Variants in SPSB3 observed in about 807,000 individuals in gnomAD.
The protein encoded by SPSB3 is splA/ryanodine receptor domain and SOCS box containing 3, also known as SPRY domain-containing SOCS box protein 3.
A neutral mutation model predicts 29.5 loss-of-function variants in SPSB3; 18 were observed. The ratio of observed to expected loss-of-function variants is 0.61; its 90% CI spans 0.42 to 0.91. The LOEUF (loss-of-function observed/expected upper bound fraction) is 0.91, where lower values mean the gene tolerates loss of function less well. Among genes scored for constraint, SPSB3 ranks in the 40% least tolerant of loss-of-function variants. The pLI, the probability that SPSB3 is intolerant of heterozygous loss-of-function variation, is 0.00. For missense variants in SPSB3, 540 were observed against 507.5 expected (o/e 1.06, Z -0.61); for synonymous variants, 299 against 214.1 (o/e 1.40, Z -3.46).
rs1212292739 is a variant in SPSB3 at position 1,778,174 on chromosome 16, C to T, written c.452G>A (p.Trp151Ter). Residue 151 changes from tryptophan to a stop codon, truncating the protein, a stop_gained, in exon 4 of 7, where the codon TGG (tryptophan) becomes TAG (stop). Transcript: ENST00000566339. LOFTEE classifies it high-confidence loss of function. ...GACGGGAGAGGTCATCTTGATCTCCCAGAAGTGCTGGCCCTCCCCCAGCTC... is the reference window on the plus strand; with the variant it reads ...GACGGGAGAGGTCATCTTGATCTCCTAGAAGTGCTGGCCCTCCCCCAGCTC... ...TKELGEGQHF[W>*]EIKMTSPVYG... The T allele has an allele frequency of 2.5e-6, 4 of 1,612,838 alleles. No homozygotes were observed. Among genetic ancestry groups the T allele is most frequent in the African/African-American group, 1.3e-5 (1 of 74,944 alleles).
chr16:1,778,197 C>T lies in SPSB3; in HGVS notation c.429G>A (p.Glu143=), dbSNP rs762239308. The change falls in exon 4 of 7, where the codon GAG becomes GAA. Residue 143 remains glutamate (E), a synonymous_variant. Transcript: ENST00000566339. ...CCCAGAAGTGCTGGCCCTCCCCCAG[C>T]TCCTTGGTGCCCCGGATGGCCGCTG... is the stretch of plus-strand genomic sequence containing the variant. The part of the protein sequence containing the change: ...CGTAAIRGTK[E]LGEGQHFWEI... 18 of 1,612,874 alleles carry T rather than the reference C, an allele frequency of 1.1e-5. No individual in the cohort carries two copies. In the African/African-American group the frequency reaches 2.0e-4, roughly 18 times the overall value.
rs1173398562 is a variant in SPSB3, at chr16:1,777,841, G to A, written c.627C>T (p.Ser209=). 18 of 1,612,834 alleles carry A rather than the reference G, an allele frequency of 1.1e-5. No individual in the cohort carries two copies. In the East Asian group the frequency reaches 3.6e-4, roughly 32 times the overall value. ...AGCCCTGGCCGAACCGCGATGAGAA[G>A]CTGGTCTTGTCGCCCTTGTGGTGGA... is the stretch of plus-strand genomic sequence containing the variant. ...GLLHHKGDKT[S]FSSRFGQGSI... Residue 209 remains serine, a synonymous_variant, in exon 6 of 7, where the codon AGC becomes AGT. Transcript: ENST00000566339.
Position 1,776,955 on chromosome 16 carries a change from C to T in SPSB3, c.*142G>A, listed in dbSNP as rs2042722399. On this transcript the variant is annotated 3_prime_UTR_variant, in exon 7 of 7. Coordinates refer to ENST00000566339, the MANE Select transcript of SPSB3 (RefSeq NM_080861.4). ...CCCCCACAGAAAGGACTGTCCCAGC[C>T]TCGGGAGCAAGAGATGGCTCCCTCC... 1.0e-6 allele frequency: 1 copy of T among 966,274 alleles called. No individual in the cohort carries two copies. Among genetic ancestry groups the T allele is most frequent in the South Asian group, 1.7e-5 (1 of 60,186 alleles). 59.9% of individuals were successfully genotyped at this position (966,274 alleles called of 1,614,324 possible). A position where few individuals can be genotyped will look rare whatever the true frequency, so the allele number is the denominator to read the frequency against.
Position 1,777,026 on chromosome 16 carries a change from G to A in SPSB3, c.*71C>T, listed in dbSNP as rs1249595446. ...CGCCCTGGAGTGTGGCTGGAAGGAA[G>A]GGACAGAGAAAGAAGGGACAGAGGA... On this transcript the variant is annotated 3_prime_UTR_variant, in exon 7 of 7. Transcript: ENST00000566339. The A allele has an allele frequency of 6.6e-7, 1 of 1,519,428 alleles. No individual in the cohort carries two copies. The highest frequency in any genetic ancestry group is 8.9e-7 in the Non-Finnish European group (1 of 1,121,454). The allele number at this position is 1,519,428 out of a possible 1,614,324, so 94.1% of individuals were successfully genotyped here. A position where few individuals can be genotyped will look rare whatever the true frequency, so the allele number is the denominator to read the frequency against.
At chr16:1,781,332 C>T (rs770544428) in intron 2 of SPSB3, 26 bp downstream of exon 2, 14 of 1,612,878 alleles carry the variant, frequency 8.7e-6, no homozygotes, top group Non-Finnish European at 1.1e-5. Context: ...AGGCCAGCCA[C>T]GTCCGCCTCG....
chr16:1,777,521 T>A (rs13332165), intron 6 of SPSB3, 78 bp from the exon 7 acceptor site: 7 of 1,405,670 alleles, frequency 5.0e-6, no homozygotes, highest in East Asian at 5.0e-5. Context: ...GACCTCACGC[T>A]ACAGTCACCC....
At position 1,781,406 on chromosome 16, in the gene SPSB3, G is replaced by A. The variant is rs1896705055; in HGVS notation, c.78C>T (p.Ala26=). 1 of 1,612,838 alleles carries A rather than the reference G, an allele frequency of 6.2e-7. No homozygotes were observed. The highest frequency in any genetic ancestry group is 8.5e-7 in the Non-Finnish European group (1 of 1,179,974). The part of the protein sequence containing the change: ...SAARRDADAR[A]VALAGSTNWG... ...AGTTAGTGGAGCCTGCTAGAGCCAC[G>A]GCCCGGGCATCTGCGTCTCGGCGGG... is the stretch of plus-strand genomic sequence containing the variant. Residue 26 remains alanine (A), a synonymous_variant, in exon 2 of 7, where the codon GCC becomes GCT. Coordinates refer to ENST00000566339, the MANE Select transcript of SPSB3 (RefSeq NM_080861.4).
chr16:1,778,653 C>T, intron 2 of SPSB3, 41 bp from the exon 3 acceptor site: 1 of 1,516,598 alleles, frequency 6.6e-7, no homozygotes, highest in Middle Eastern at 2.5e-4. Flanking sequence ...GTTGCCCGCT[C>T]TCTACCCTCT....
intron 2 of SPSB3, 75 bp downstream of exon 2, chr16:1,781,283 G>C: frequency 6.2e-7 from 1 of 1,611,878 alleles, no homozygotes; most frequent in Non-Finnish European, 8.5e-7. Flanking sequence ...CCGTGTTCAG[G>C]TAATGTCTGC....
In SPSB3 at chr16:1,778,623, A is replaced by G; in HGVS notation, c.127-11T>C. ...GTCCGAGTCGCTGTGCTGGGAGAGA[A>G]GGGCCGGCTGTTACTACCTGTTGCC... is the stretch of plus-strand genomic sequence containing the variant. On this transcript the variant is annotated splice_polypyrimidine_tract_variant and intron_variant, in intron 2 of 6. Coordinates refer to ENST00000566339, the MANE Select transcript of SPSB3 (RefSeq NM_080861.4). The G allele has an allele frequency of 1.3e-6, 2 of 1,537,020 alleles. No individual in the cohort carries two copies. The highest frequency in any genetic ancestry group is 2.5e-5 in the South Asian group (2 of 81,444).
In SPSB3 at chr16:1,776,913, G is replaced by A. The variant is rs190864318; in HGVS notation, c.*184C>T. On this transcript the variant is annotated 3_prime_UTR_variant, in exon 7 of 7. Transcript: ENST00000566339. ...AGCCGCTTCCCCACCCAGCACAGCA[G>A]CAGAGGGGCCCTAGAGCCCCCACAG... 7 of 686,410 alleles carry A rather than the reference G, an allele frequency of 1.0e-5. No homozygotes were observed. The highest frequency in any genetic ancestry group is 2.4e-6 in the Non-Finnish European group (1 of 419,508). The allele number at this position is 686,410 out of a possible 1,614,324, so 42.5% of individuals were successfully genotyped here.
chr16:1,781,690 C>T (rs1054402403), intron 1 of SPSB3, 195 bp from the exon 2 acceptor site: 1 of 594,586 alleles, frequency 1.7e-6, no homozygotes, highest in East Asian at 2.8e-5. Context: ...CAGGTAGATC[C>T]TGTGAAACGC....
rs368074805 is a variant in SPSB3 at position 1,777,878 on chromosome 16, G to T, written c.596-6C>A. ...GCCCTTGTGGTGGAGGAGGCCTGGG[G>T]GCAGCCAGGGTCGCAGTGAGCCCGG... On this transcript the variant is annotated splice_polypyrimidine_tract_variant and splice_region_variant and intron_variant, in intron 5 of 6. Transcript: ENST00000566339. The T allele has an allele frequency of 2.0e-5, 33 of 1,612,078 alleles. No homozygotes were observed. The highest frequency in any genetic ancestry group is 2.8e-5 in the Non-Finnish European group (33 of 1,179,764).
intron 1 of SPSB3, 165 bp from the exon 2 acceptor site, chr16:1,781,660 C>A: frequency 1.5e-6 from 1 of 664,598 alleles, no homozygotes; most frequent in Non-Finnish European, 2.5e-6. Flanking sequence ...ACTCCAGGAT[C>A]TGAGCAGCTC....
chr16:1,777,076 G>A lies in SPSB3; in HGVS notation c.*21C>T. On this transcript the variant is annotated 3_prime_UTR_variant, in exon 7 of 7. Transcript: ENST00000566339. ...AAAGGGGCTGTCCCAGCCCAAGAAG[G>A]CAGTTCCACTGGGAAGTCAGTCAGG... The A allele has an allele frequency of 1.9e-6, 3 of 1,605,542 alleles. No homozygotes were observed. The highest frequency in any genetic ancestry group is 1.7e-6 in the Non-Finnish European group (2 of 1,175,510).
Position 1,776,850 on chromosome 16 carries a change from C to A in SPSB3, c.*247G>T. 1 of 545,326 alleles carries A rather than the reference C, an allele frequency of 1.8e-6. No homozygotes were observed. 33.8% of individuals were successfully genotyped at this position (545,326 alleles called of 1,614,324 possible). A position where few individuals can be genotyped will look rare whatever the true frequency, so the allele number is the denominator to read the frequency against. ...GCAACGCGGGCTCCAGCCAGGCTCT[C>A]GTCCTCGCAGCCTCCCACAAGACCT... On this transcript the variant is annotated 3_prime_UTR_variant, in exon 7 of 7. Coordinates refer to ENST00000566339, the MANE Select transcript of SPSB3 (RefSeq NM_080861.4).
In SPSB3 at chr16:1,776,874, C is replaced by T. The variant is rs2042720932; in HGVS notation, c.*223G>A. On this transcript the variant is annotated 3_prime_UTR_variant, in exon 7 of 7. Coordinates refer to ENST00000566339, the MANE Select transcript of SPSB3 (RefSeq NM_080861.4). ...TCGTCCTCGCAGCCTCCCACAAGAC[C>T]TGGGGCTCAGGGCAGCCGCTTCCCC... The T allele has an allele frequency of 1.7e-6, 1 of 578,186 alleles. No individual in the cohort carries two copies. The highest frequency in any genetic ancestry group is 2.3e-5 in the South Asian group (1 of 42,804). The allele number at this position is 578,186 out of a possible 1,614,324, so 35.8% of individuals were successfully genotyped here.
Position 1,777,022 on chromosome 16 carries a change from G to A in SPSB3, c.*75C>T, listed in dbSNP as rs2042723733. On this transcript the variant is annotated 3_prime_UTR_variant, in exon 7 of 7. Coordinates refer to ENST00000566339, the MANE Select transcript of SPSB3 (RefSeq NM_080861.4). ...ACTCCGCCCTGGAGTGTGGCTGGAA[G>A]GAAGGGACAGAGAAAGAAGGGACAG... The A allele has an allele frequency of 2.0e-5, 30 of 1,511,216 alleles. No homozygotes were observed. Among genetic ancestry groups the A allele is most frequent in the Middle Eastern group, 1.8e-4 (1 of 5,682 alleles). The allele number at this position is 1,511,216 out of a possible 1,614,324, so 93.6% of individuals were successfully genotyped here.
In SPSB3 at chr16:1,776,863, T is replaced by A. The variant is rs2042720819; in HGVS notation, c.*234A>T. On this transcript the variant is annotated 3_prime_UTR_variant, in exon 7 of 7. Transcript: ENST00000566339. ...CAGCCAGGCTCTCGTCCTCGCAGCC[T>A]CCCACAAGACCTGGGGCTCAGGGCA... 3.6e-6 allele frequency: 2 copies of A among 557,906 alleles called. 1 individual carries two copies. Among genetic ancestry groups the A allele is most frequent in the African/African-American group, 3.8e-5 (2 of 52,772 alleles). The allele number at this position is 557,906 out of a possible 1,614,324, so 34.6% of individuals were successfully genotyped here.
Sources: allele counts gnomAD v4.1 joint callset, GRCh38; gene constraint gnomAD v4.1.1; transcripts MANE v1.5; gene names NCBI Gene and HGNC (gene_info 2026-07-23, HGNC 2026-07-21).